SPAG16: variants seen among roughly 807,000 people sequenced by gnomAD.
The protein encoded by SPAG16 is sperm associated antigen 16.
Under a neutral mutation model 80.4 loss-of-function variants are expected in SPAG16, and 86 were observed. That is an observed-to-expected ratio of 1.07 (90% confidence interval 0.90 to 1.28). The LOEUF is 1.28. Among genes scored for constraint, SPAG16 ranks in the 50% most tolerant of loss-of-function variants. SPAG16 has a pLI of 0.00. For missense variants in SPAG16, 870 were observed against 765.3 expected, an observed-to-expected ratio of 1.14 and a Z score of -1.61; for synonymous variants, 294 against 265.9, an observed-to-expected ratio of 1.11 and a Z score of -1.03.
At chr2:214,191,053 A>G (rs920304147) in intron 15 of SPAG16, among the ~76,000 whole-genome samples, 4 of 152,120 alleles carry the variant, frequency 2.6e-5, no homozygotes, top group East Asian at 1.9e-4. Flanking sequence ...CAGGCTTACT[A>G]TGGGTCAGAA....
intron 15 of SPAG16, among the ~76,000 whole-genome samples, chr2:214,184,939 A>AT (rs1008515587): frequency 8.7e-5 from 13 of 150,282 alleles, no homozygotes; most frequent in East Asian, 3.9e-4. Flanking sequence ...GTCTTTAAAA[A>AT]TTTTTTTTTT....
chr2:214,046,163 A>T (rs2049313529), intron 13 of SPAG16, among the ~76,000 whole-genome samples: 1 of 152,178 alleles, frequency 6.6e-6, no homozygotes, highest in Admixed American at 6.6e-5. Context: ...AGAAATCCAA[A>T]ACCTAAACAG....
intron 8 of SPAG16, among the ~76,000 whole-genome samples, chr2:213,372,007 G>A (rs1417626936): frequency 1.3e-5 from 2 of 152,038 alleles, no homozygotes; most frequent in Non-Finnish European, 2.9e-5. Context: ...TTATTATTGA[G>A]TAGATATTTA....
At chr2:213,908,108 T>A (rs1459356510) in intron 11 of SPAG16, among the ~76,000 whole-genome samples, 2 of 152,154 alleles carry the variant, frequency 1.3e-5, no homozygotes, top group African/African-American at 4.8e-5. Flanking sequence ...TATTGCAGTA[T>A]CACTCTGTAG....
chr2:213,740,878 A>G (rs2067519017), intron 10 of SPAG16, among the ~76,000 whole-genome samples: 1 of 152,204 alleles, frequency 6.6e-6, no homozygotes. Flanking sequence ...AACCATCCCC[A>G]TCAGTGACTG....
At chr2:214,128,169 T>C (rs751160246) in intron 14 of SPAG16, among the ~76,000 whole-genome samples, 1 of 151,744 alleles carries the variant, frequency 6.6e-6, no homozygotes, top group African/African-American at 2.4e-5. Context: ...CAGAAGAAAA[T>C]AAGCTGACGG....
intron 15 of SPAG16, among the ~76,000 whole-genome samples, chr2:214,403,531 A>G (rs984662670): frequency 2.6e-5 from 4 of 152,060 alleles, no homozygotes; most frequent in Non-Finnish European, 5.9e-5. Context: ...GCACATTCCA[A>G]TTTGTACTAA....
chr2:213,471,173 G>C (rs1248510585), intron 9 of SPAG16, among the ~76,000 whole-genome samples: 3 of 152,128 alleles, frequency 2.0e-5, no homozygotes, highest in Non-Finnish European at 2.9e-5. Context: ...CTGTGAACCA[G>C]GACTTAATCT....
At position 213,350,969 on chromosome 2, in the gene SPAG16, C is replaced by CA. The variant is rs11320402; in HGVS notation, c.762+337dup. ...TGAAAACCTGTCTCTACTAAAAATA[C>CA]AAAAAAAAAAAAACAAAAAACAAAT... is the stretch of plus-strand genomic sequence containing the variant. On this transcript the variant is annotated intron_variant, in intron 7 of 15. Transcript: ENST00000331683. 6.7e-3 allele frequency among the ~76,000 whole-genome samples: 947 copies of CA among 141,008 alleles called. 18 individuals carry two copies. Among genetic ancestry groups the CA allele is most frequent in the African/African-American group, 0.023 (879 of 38,688 alleles). 92.5% of individuals were successfully genotyped at this position (141,008 alleles called of 152,430 possible).
intron 13 of SPAG16, among the ~76,000 whole-genome samples, chr2:214,037,158 A>T (rs1378255739): frequency 6.6e-6 from 1 of 151,798 alleles, no homozygotes; most frequent in Non-Finnish European, 1.5e-5. Context: ...GTTTCCTTTT[A>T]TCACTATTTT....
intron 13 of SPAG16, among the ~76,000 whole-genome samples, chr2:214,046,176 C>T (rs772369545): frequency 6.6e-6 from 1 of 151,968 alleles, no homozygotes; most frequent in Non-Finnish European, 1.5e-5. Flanking sequence ...CTAAACAGAC[C>T]AATAACAAGT....
chr2:213,933,283 G>A (rs954828105), intron 12 of SPAG16, among the ~76,000 whole-genome samples: 1 of 152,174 alleles, frequency 6.6e-6, no homozygotes, highest in Admixed American at 6.5e-5. Context: ...ACTTAACAAT[G>A]TTGGTCTGTG....
chr2:214,351,410 C>T (rs1472291924), intron 15 of SPAG16, among the ~76,000 whole-genome samples: 4 of 151,742 alleles, frequency 2.6e-5, no homozygotes, highest in Non-Finnish European at 5.9e-5. Context: ...GTGTAAAATA[C>T]TTAAACATTG....
At chr2:214,407,406 A>T (rs1046491654) in intron 15 of SPAG16, among the ~76,000 whole-genome samples, 28 of 152,130 alleles carry the variant, frequency 1.8e-4, no homozygotes, top group African/African-American at 6.8e-4. Context: ...ATTTACTTCA[A>T]TATGAACATT....
chr2:213,590,886 C>T (rs1467979581), intron 10 of SPAG16, among the ~76,000 whole-genome samples: 5 of 152,046 alleles, frequency 3.3e-5, no homozygotes, highest in African/African-American at 9.7e-5. Flanking sequence ...ATAGCAAATA[C>T]ATGGAATCAA....
chr2:213,301,287 G>A (rs1281403966), intron 3 of SPAG16, among the ~76,000 whole-genome samples: 1 of 152,130 alleles, frequency 6.6e-6, no homozygotes, highest in African/African-American at 2.4e-5. Flanking sequence ...CATGTCTACA[G>A]ATTATCCAAG....
Position 213,462,760 on chromosome 2 carries a change from G to T in SPAG16, c.943-27203G>T, listed in dbSNP as rs973412825. ...CCTGCCTAGTGATGTGAAACTGTGA[G>T]TCAATTAAACCTCTTTCCTTTATAA... On this transcript the variant is annotated intron_variant, in intron 9 of 15. Coordinates refer to ENST00000331683, the MANE Select transcript of SPAG16 (RefSeq NM_024532.5). 2.0e-5 allele frequency among the ~76,000 whole-genome samples: 3 copies of T among 152,178 alleles called. No individual in the cohort carries two copies. The South Asian group carries it at 6.2e-4, about 31-fold the overall frequency.
intron 12 of SPAG16, among the ~76,000 whole-genome samples, chr2:214,011,911 G>C (rs1020702384): frequency 3.3e-5 from 5 of 152,040 alleles, no homozygotes; most frequent in African/African-American, 4.8e-5. Context: ...GCTTCTTACA[G>C]TTCATATGTG....
chr2:213,334,572 AT>A (rs1376720985), intron 5 of SPAG16, among the ~76,000 whole-genome samples: 1 of 152,166 alleles, frequency 6.6e-6, no homozygotes, highest in African/African-American at 2.4e-5. Flanking sequence ...CTATCAGCAG[AT>A]GAATGGATAA....
Sources: allele counts gnomAD v4.1 joint callset (sites outside exome capture counted in the v4.1 genomes callset), GRCh38; gene constraint gnomAD v4.1.1; transcripts MANE v1.5; gene names NCBI Gene and HGNC (gene_info 2026-07-23, HGNC 2026-07-21).